The following PJVK variants were observed in gnomAD, a reference collection of about 807,000 sequenced individuals.
The protein encoded by PJVK is pejvakin.
PJVK carries 33 observed loss-of-function variants against 37.6 expected under a neutral mutation model. The ratio of observed to expected loss-of-function variants is 0.88; its 90% confidence interval spans 0.67 to 1.17. The LOEUF (loss-of-function observed/expected upper bound fraction) is 1.17. PJVK is among the 50% of genes most tolerant of loss of function. PJVK has a pLI of 0.00. For missense variants in PJVK, 410 were observed against 413.8 expected (o/e 0.99, Z 0.08); for synonymous variants, 141 against 143.5 (o/e 0.98, Z 0.13).
intron 2 of PJVK, chr2:178,454,075 T>C (rs1364060492): frequency 2.7e-6 from 1 of 373,044 alleles, no homozygotes; most frequent in Non-Finnish European, 5.0e-6. Context: ...ATTTTTTCTT[T>C]TAATTGCCCG....
At position 178,453,604 on chromosome 2, in the gene PJVK, C is replaced by T. The variant is rs727504946; in HGVS notation, c.195C>T (p.Asp65=). The T allele has an allele frequency of 6.2e-7, 1 of 1,612,676 alleles. No homozygotes were observed. Among genetic ancestry groups the T allele is most frequent in the Non-Finnish European group, 8.5e-7 (1 of 1,179,240 alleles). Reference sequence around the variant, plus strand: ...CACTGAAAGATATTCTCCTAGGAGACAGAGAAATTTCAGCTGGTAAGTTTA... The same window carrying T: ...CACTGAAAGATATTCTCCTAGGAGATAGAGAAATTTCAGCTGGTAAGTTTA... The part of the protein sequence containing the change: ...PFTLKDILLG[D]REISAGISSY... Residue 65 remains aspartate (D), a synonymous_variant, in exon 2 of 7, where the codon GAC becomes GAT. Coordinates refer to ENST00000644580, the MANE Select transcript of PJVK (RefSeq NM_001042702.5).
At chr2:178,455,605 G>A (rs906999150) in intron 3 of PJVK, among the ~76,000 whole-genome samples, 1 of 149,226 alleles carries the variant, frequency 6.7e-6, no homozygotes, top group Non-Finnish European at 1.5e-5. Flanking sequence ...GTCCTCCCCA[G>A]TTGGCCTACT....
rs191705591 is a variant in PJVK at position 178,461,314 on chromosome 2, G to C, written c.*40G>C. The C allele has an allele frequency of 3.0e-4, 475 of 1,607,654 alleles. 1 individual carries two copies. Among genetic ancestry groups the C allele is most frequent in the Admixed American group, 7.5e-4 (45 of 59,996 alleles). Reference sequence around the variant, plus strand: ...ACACCGTGTTGGTGTTTTAGGTGCAGTTGTGCCACAAACCTTCCCTAAATT... The same window carrying C: ...ACACCGTGTTGGTGTTTTAGGTGCACTTGTGCCACAAACCTTCCCTAAATT... On this transcript the variant is annotated 3_prime_UTR_variant, in exon 7 of 7. Transcript: ENST00000644580.
Position 178,456,881 on chromosome 2 carries a change from A to G in PJVK, c.549+730A>G, listed in dbSNP as rs549230813. On this transcript the variant is annotated intron_variant, in intron 4 of 6. Coordinates refer to ENST00000644580, the MANE Select transcript of PJVK (RefSeq NM_001042702.5). ...CTGGAGTCCCTCATATTACTATTTA[A>G]GTGCTGTTTTAAGAATAAAAATTGA... 2.0e-5 allele frequency among the ~76,000 whole-genome samples: 3 copies of G among 152,348 alleles called. No homozygotes were observed. In the East Asian group the frequency reaches 5.8e-4, roughly 29 times the overall value.
At chr2:178,451,954 G>C (rs926237101) in intron 1 of PJVK, 185 bp downstream of exon 1, 2 of 623,252 alleles carry the variant, frequency 3.2e-6, no homozygotes, top group African/African-American at 4.0e-5. Flanking sequence ...TCGGTGTTAT[G>C]GAAGATTGCT....
chr2:178,455,805 A>G (rs1684030292), intron 3 of PJVK, among the ~76,000 whole-genome samples: 1 of 152,258 alleles, frequency 6.6e-6, no homozygotes, highest in Non-Finnish European at 1.5e-5. Flanking sequence ...GACAGAGTGA[A>G]ACATTCTGCA....
At position 178,454,543 on chromosome 2, in the gene PJVK, C is replaced by G; in HGVS notation, c.407+16C>G. Reference sequence around the variant, plus strand: ...TTACTACACGGTCAGTATAATAATCCTAATATATTTCAGTGTTTTCATTAA... The same window carrying G: ...TTACTACACGGTCAGTATAATAATCGTAATATATTTCAGTGTTTTCATTAA... On this transcript the variant is annotated intron_variant, in intron 3 of 6. Transcript: ENST00000644580. 3.7e-6 allele frequency: 6 copies of G among 1,607,104 alleles called. No individual in the cohort carries two copies. The highest frequency in any genetic ancestry group is 5.1e-6 in the Non-Finnish European group (6 of 1,175,256).
Position 178,456,165 on chromosome 2 carries a change from G to A in PJVK, c.549+14G>A. Reference sequence around the variant, plus strand: ...GAAGCAATGCGGGTAAACCACACTTGTTGGGTTCTCTTACTAACTAAAGTG... The same window carrying A: ...GAAGCAATGCGGGTAAACCACACTTATTGGGTTCTCTTACTAACTAAAGTG... On this transcript the variant is annotated intron_variant, in intron 4 of 6. Coordinates refer to ENST00000644580, the MANE Select transcript of PJVK (RefSeq NM_001042702.5). 1 of 1,613,164 alleles carries A rather than the reference G, an allele frequency of 6.2e-7. No homozygotes were observed.
chr2:178,453,763 TATTAAG>T, intron 2 of PJVK, 143 bp downstream of exon 2: 1 of 688,014 alleles, frequency 1.5e-6, no homozygotes, highest in Non-Finnish European at 2.5e-6. Context: ...GTAATAACAT[TATTAAG>T]ATTAACAATG....
rs754076425 is a variant in PJVK, at chr2:178,461,023, TTGGA to T, written c.811_814del (p.Asp271IlefsTer13). ...TGTCATTTCTCGTTCACAGCTTTAC[TTGGA>T]TGATCTTTTTTCTGACTACTATGAC... is the stretch of plus-strand genomic sequence containing the variant. On this transcript the variant is annotated frameshift_variant, in exon 7 of 7. Transcript: ENST00000644580. LOFTEE classifies it high-confidence loss of function. The T allele has an allele frequency of 1.1e-5, 18 of 1,614,090 alleles. No homozygotes were observed. Among genetic ancestry groups the T allele is most frequent in the Non-Finnish European group, 1.4e-5 (16 of 1,180,020 alleles).
chr2:178,460,413 C>CT lies in PJVK; in HGVS notation c.734dup (p.Tyr246ValfsTer9), dbSNP rs1684410891. 6.2e-7 allele frequency: 1 copy of CT among 1,613,772 alleles called. No homozygotes were observed. The highest frequency in any genetic ancestry group is 1.3e-5 in the African/African-American group (1 of 74,872). ...GGAAGAAACGGCAACATTTGCACTG[C>CT]TGTACAGGTTGAGAAATATCCTATT... On this transcript the variant is annotated frameshift_variant, in exon 6 of 7. Transcript: ENST00000644580. LOFTEE classifies it high-confidence loss of function.
chr2:178,453,679 A>ATGTT, intron 2 of PJVK, 59 bp downstream of exon 2: 1 of 1,349,926 alleles, frequency 7.4e-7, no homozygotes, highest in Non-Finnish European at 1.0e-6. Flanking sequence ...CAACCTAAAC[A>ATGTT]TAGGTCATAT....
chr2:178,457,917 T>C (rs1684234091), intron 4 of PJVK, among the ~76,000 whole-genome samples: 2 of 152,252 alleles, frequency 1.3e-5, no homozygotes, highest in South Asian at 4.1e-4. Flanking sequence ...TGATATTGTT[T>C]ATCTTTGTCA....
Position 178,461,064 on chromosome 2 carries a change from C to T in PJVK, c.849C>T (p.Ser283=), listed in dbSNP as rs1306636185. ...CTGACTACTATGACAAACCTCTCAG[C>T]ATGACTGATATTTCACTCAAAGAAG... The part of the protein sequence containing the change: ...LFSDYYDKPL[S]MTDISLKEGT... Residue 283 remains serine (S), a synonymous_variant, in exon 7 of 7, where the codon AGC becomes AGT. Transcript: ENST00000644580. 1.2e-6 allele frequency: 2 copies of T among 1,614,052 alleles called. No individual in the cohort carries two copies. The highest frequency in any genetic ancestry group is 1.7e-6 in the Non-Finnish European group (2 of 1,179,960).
intron 1 of PJVK, chr2:178,453,187 T>G: frequency 1.9e-6 from 1 of 518,546 alleles, no homozygotes. Context: ...TTAAACATGC[T>G]CTTAGCATAT....
intron 4 of PJVK, among the ~76,000 whole-genome samples, chr2:178,458,308 TA>T (rs1684258360): frequency 6.6e-6 from 1 of 152,154 alleles, no homozygotes; most frequent in African/African-American, 2.4e-5. Context: ...AGTGCAGAGG[TA>T]TTTCCTAATA....
At chr2:178,456,292 C>G in intron 4 of PJVK, 141 bp downstream of exon 4, 2 of 995,256 alleles carry the variant, frequency 2.0e-6, no homozygotes, top group African/African-American at 1.6e-5. Context: ...TTTTGCACAG[C>G]AATGTCTGTT....
intron 1 of PJVK, 200 bp from the exon 2 acceptor site, chr2:178,453,188 C>G: frequency 3.8e-6 from 2 of 519,500 alleles, no homozygotes; most frequent in Non-Finnish European, 6.9e-6. Flanking sequence ...TAAACATGCT[C>G]TTAGCATATC....
Position 178,458,713 on chromosome 2 carries a change from C to G in PJVK, c.667+86C>G. The G allele has an allele frequency of 4.6e-6, 5 of 1,083,820 alleles. No individual in the cohort carries two copies. In the South Asian group the frequency reaches 5.0e-5, roughly 11 times the overall value. 67.1% of individuals were successfully genotyped at this position (1,083,820 alleles called of 1,614,324 possible). A position where few individuals can be genotyped will look rare whatever the true frequency, so the allele number is the denominator to read the frequency against. On this transcript the variant is annotated intron_variant, in intron 5 of 6. Transcript: ENST00000644580. ...CATGTGCTCTCTCTCTCTCTTTTCT[C>G]TCATTTCTCGTGTCTAACAATTATA...
Sources: allele counts gnomAD v4.1 joint callset (sites outside exome capture counted in the v4.1 genomes callset), GRCh38; gene constraint gnomAD v4.1.1; transcripts MANE v1.5; gene names NCBI Gene and HGNC (gene_info 2026-07-23, HGNC 2026-07-21).